Variants in UST observed in about 807,000 individuals in gnomAD.
UST encodes the protein chondroitin sulfate 2-O-sulfotransferase.
In UST, 21 loss-of-function variants were observed where a neutral mutation model predicts 45.6. The ratio of observed to expected loss-of-function variants is 0.46; its 90% CI spans 0.33 to 0.66. The LOEUF is 0.66. Ranked by LOEUF, UST falls within the 30% of genes least tolerant of loss-of-function variation. The probability of loss-of-function intolerance (pLI) is 0.02; values close to 1 mark genes in which losing one functional copy is unlikely to be tolerated. For missense variants in UST, 463 were observed against 512.4 expected (o/e 0.90, Z 0.93); for synonymous variants, 215 against 200.6 (o/e 1.07, Z -0.61).
chr6:148,870,291 GC>G (rs935996361), intron 1 of UST, among the ~76,000 whole-genome samples: 2 of 152,148 alleles, frequency 1.3e-5, no homozygotes, highest in African/African-American at 4.8e-5. Context: ...GAGTCTCAGT[GC>G]CCTCCTGACC....
chr6:148,768,481 T>C (rs1024453427), intron 1 of UST, among the ~76,000 whole-genome samples: 5 of 152,320 alleles, frequency 3.3e-5, no homozygotes, highest in African/African-American at 1.2e-4. Context: ...TAATTACATT[T>C]TCCCATTTAT....
intron 5 of UST, among the ~76,000 whole-genome samples, chr6:148,981,362 A>G (rs1781131069): frequency 6.6e-6 from 1 of 152,216 alleles, no homozygotes; most frequent in Admixed American, 6.5e-5. Flanking sequence ...TCACCCAGGC[A>G]GACAGGCTTC....
At chr6:148,747,745 C>G (rs1184512807) in intron 1 of UST, 68 bp downstream of exon 1, 2 of 1,469,584 alleles carry the variant, frequency 1.4e-6, no homozygotes, top group Non-Finnish European at 1.8e-6. Flanking sequence ...GAGAGGGTCG[C>G]GGCGGGGACT....
intron 1 of UST, among the ~76,000 whole-genome samples, chr6:148,796,797 C>CT (rs1195878764): frequency 0.32 from 23,198 of 72,150 alleles, 4,625 homozygotes; most frequent in East Asian, 0.54. Flanking sequence ...TCTGATAATT[C>CT]TTTTTTTTTT....
chr6:148,828,738 G>A (rs1777621804), intron 1 of UST, among the ~76,000 whole-genome samples: 1 of 152,120 alleles, frequency 6.6e-6, no homozygotes, highest in Non-Finnish European at 1.5e-5. Context: ...TTAAGCTTTG[G>A]AGCAAAAGTA....
rs1248946289 is a variant in UST at position 148,747,199 on chromosome 6, G to A, written c.-232G>A. 2.7e-5 allele frequency: 8 copies of A among 294,782 alleles called. No homozygotes were observed. The highest frequency in any genetic ancestry group is 4.8e-5 in the Non-Finnish European group (8 of 168,150). 18.3% of individuals were successfully genotyped at this position (294,782 alleles called of 1,614,324 possible). On this transcript the variant is annotated 5_prime_UTR_variant, in exon 1 of 8. Transcript: ENST00000367463. ...CCGGACGGGCGCGGCGCCCCGTCACGGGCAGCGCCCCGAACCGGGGCCGGA... is the reference window on the plus strand; with the variant it reads ...CCGGACGGGCGCGGCGCCCCGTCACAGGCAGCGCCCCGAACCGGGGCCGGA...
intron 1 of UST, among the ~76,000 whole-genome samples, chr6:148,776,440 T>C (rs1776536643): frequency 6.6e-6 from 1 of 152,236 alleles, no homozygotes; most frequent in Non-Finnish European, 1.5e-5. Flanking sequence ...GAAATAAAGC[T>C]GTTTTATTGT....
intron 2 of UST, among the ~76,000 whole-genome samples, chr6:148,909,025 T>C (rs537396499): frequency 6.9e-4 from 105 of 152,386 alleles, no homozygotes; most frequent in African/African-American, 2.5e-3. Context: ...GCTTGAATTA[T>C]AGCTCAAAGC....
At chr6:148,940,904 C>G (rs1780113469) in intron 2 of UST, among the ~76,000 whole-genome samples, 1 of 152,208 alleles carries the variant, frequency 6.6e-6, no homozygotes, top group African/African-American at 2.4e-5. Flanking sequence ...GAATTCCACT[C>G]CACTTCTTGA....
rs573930623 is a variant in UST at position 148,832,082 on chromosome 6, C to T, written c.248-54904C>T. Among the ~76,000 whole-genome samples the T allele has an allele frequency of 2.0e-5, 3 of 152,270 alleles. No homozygotes were observed. In the South Asian group the frequency reaches 6.2e-4, roughly 32 times the overall value. The stretch of plus-strand genomic sequence containing the variant: ...AGTCTCAGTTCATTGCAGCCTCCAC[C>T]GCCTGGATTCAAGCGATTCTGCCTC... On this transcript the variant is annotated intron_variant, in intron 1 of 7. Transcript: ENST00000367463.
At chr6:148,887,222 G>A (rs1229185389) in intron 2 of UST, among the ~76,000 whole-genome samples, 193 bp downstream of exon 2, 2 of 152,248 alleles carry the variant, frequency 1.3e-5, no homozygotes, top group African/African-American at 4.8e-5. Flanking sequence ...CAGGGAGAAG[G>A]AGCCATTGTT....
At chr6:149,050,753 G>A (rs996966163) in intron 7 of UST, among the ~76,000 whole-genome samples, 1 of 152,166 alleles carries the variant, frequency 6.6e-6, no homozygotes, top group Non-Finnish European at 1.5e-5. Flanking sequence ...AATTGATTCT[G>A]AGTTTTTAGA....
At chr6:149,004,015 C>A (rs1225856850) in intron 5 of UST, among the ~76,000 whole-genome samples, 1 of 152,196 alleles carries the variant, frequency 6.6e-6, no homozygotes, top group Non-Finnish European at 1.5e-5. Context: ...AAATTTCTTT[C>A]TAGCAAATGA....
chr6:149,003,527 G>A (rs1781592111), intron 5 of UST, among the ~76,000 whole-genome samples: 1 of 152,026 alleles, frequency 6.6e-6, no homozygotes, highest in African/African-American at 2.4e-5. Context: ...CATTCTTTGT[G>A]CTAAGGTTTC....
intron 7 of UST, among the ~76,000 whole-genome samples, 166 bp downstream of exon 7, chr6:149,021,647 T>C (rs1294631780): frequency 6.6e-6 from 1 of 152,234 alleles, no homozygotes; most frequent in Non-Finnish European, 1.5e-5. Flanking sequence ...GAGCTGCAGA[T>C]GCCAAAATCT....
chr6:148,977,841 G>A (rs1295012263), intron 5 of UST, among the ~76,000 whole-genome samples: 1 of 151,916 alleles, frequency 6.6e-6, no homozygotes, highest in Admixed American at 6.6e-5. Context: ...TACCCTGTGT[G>A]TTGGGTTTAC....
intron 1 of UST, among the ~76,000 whole-genome samples, chr6:148,825,730 G>A (rs1460619922): frequency 1.3e-5 from 2 of 152,218 alleles, no homozygotes; most frequent in Non-Finnish European, 2.9e-5. Flanking sequence ...ATGCCCAAAG[G>A]AAGAGTTCTC....
chr6:149,007,344 G>A (rs535606488), intron 5 of UST, among the ~76,000 whole-genome samples: 82 of 148,586 alleles, frequency 5.5e-4, no homozygotes, highest in Non-Finnish European at 8.0e-4. Flanking sequence ...CTGGAGTGCA[G>A]TGGTGCAATC....
intron 1 of UST, among the ~76,000 whole-genome samples, chr6:148,866,486 G>A (rs976122284): frequency 6.6e-6 from 1 of 152,180 alleles, no homozygotes; most frequent in South Asian, 2.1e-4. Context: ...TACAAGATGC[G>A]AAAACAACAT....
Sources: allele counts gnomAD v4.1 joint callset (sites outside exome capture counted in the v4.1 genomes callset), GRCh38; gene constraint gnomAD v4.1.1; transcripts MANE v1.5; gene names NCBI Gene and HGNC (gene_info 2026-07-23, HGNC 2026-07-21).